Variants in DDX10 observed in about 807,000 individuals in gnomAD.
DDX10 encodes the protein probable ATP-dependent RNA helicase DDX10.
A neutral mutation model predicts 104.3 loss-of-function variants in DDX10; 74 were observed. The ratio of observed to expected loss-of-function variants is 0.71; its 90% confidence interval spans 0.59 to 0.86. The LOEUF is 0.86. Among genes scored for constraint, DDX10 ranks in the 40% least tolerant of loss-of-function variants. The pLI, the probability that DDX10 is intolerant of heterozygous loss-of-function variation, is 0.00. For missense variants in DDX10, 952 were observed against 1,040.0 expected (o/e 0.92, Z 1.16); for synonymous variants, 351 against 353.4 (o/e 0.99, Z 0.08).
At chr11:108,745,927 C>G (rs2094331331) in intron 13 of DDX10, among the ~76,000 whole-genome samples, 1 of 151,988 alleles carries the variant, frequency 6.6e-6, no homozygotes, top group Non-Finnish European at 1.5e-5. Context: ...TAATTTCTAT[C>G]ATACAATTTA....
chr11:108,736,238 C>T lies in DDX10; in HGVS notation c.1965+12776C>T, dbSNP rs146398241. Among the ~76,000 whole-genome samples the T allele has an allele frequency of 8.7e-4, 131 of 150,332 alleles. 1 individual carries two copies. The highest frequency in any genetic ancestry group is 3.1e-3 in the African/African-American group (128 of 40,822). On this transcript the variant is annotated intron_variant, in intron 13 of 17. Coordinates refer to ENST00000322536, the MANE Select transcript of DDX10 (RefSeq NM_004398.4). Reference sequence around the variant, plus strand: ...ATTTTATCTTTTAATAATAAAACCTCATTCTGTATTCTTCTGTTTGTTTCT... The same window carrying T: ...ATTTTATCTTTTAATAATAAAACCTTATTCTGTATTCTTCTGTTTGTTTCT...
chr11:108,676,798 G>A (rs1424205833), intron 3 of DDX10, among the ~76,000 whole-genome samples: 1 of 152,100 alleles, frequency 6.6e-6, no homozygotes, highest in Non-Finnish European at 1.5e-5. Context: ...TAAGTGTGTT[G>A]TAAAGGTCTT....
intron 13 of DDX10, among the ~76,000 whole-genome samples, chr11:108,725,745 G>A (rs1412330077): frequency 6.6e-6 from 1 of 151,936 alleles, no homozygotes; most frequent in Non-Finnish European, 1.5e-5. Context: ...TCTATGGCTT[G>A]TTTTTATTTT....
At chr11:108,830,631 CA>C (rs1258254158) in intron 13 of DDX10, among the ~76,000 whole-genome samples, 6 of 152,050 alleles carry the variant, frequency 3.9e-5, no homozygotes, top group African/African-American at 9.7e-5. Context: ...TTCCAGTTCT[CA>C]GGGGGGGAAT....
At chr11:108,708,176 G>C (rs1591797159) in intron 10 of DDX10, among the ~76,000 whole-genome samples, 2 of 148,184 alleles carry the variant, frequency 1.3e-5, no homozygotes, top group Admixed American at 1.3e-4. Context: ...TTATCAAGGT[G>C]AGGAAATTGT....
intron 13 of DDX10, among the ~76,000 whole-genome samples, chr11:108,826,123 A>G (rs1042128307): frequency 6.6e-6 from 1 of 152,192 alleles, no homozygotes; most frequent in African/African-American, 2.4e-5. Flanking sequence ...TTTTGATGCG[A>G]AAACAATTAT....
chr11:108,815,743 A>G (rs1207466038), intron 13 of DDX10, among the ~76,000 whole-genome samples: 3 of 152,170 alleles, frequency 2.0e-5, no homozygotes, highest in Non-Finnish European at 4.4e-5. Flanking sequence ...TTTCTGGAAA[A>G]TGTAAAAATT....
At chr11:108,687,459 G>A (rs898355906) in intron 6 of DDX10, among the ~76,000 whole-genome samples, 1 of 152,092 alleles carries the variant, frequency 6.6e-6, no homozygotes, top group African/African-American at 2.4e-5. Context: ...ATAGGCACAT[G>A]CCACCATGCC....
At chr11:108,691,590 G>A (rs1458653788) in intron 7 of DDX10, among the ~76,000 whole-genome samples, 2 of 152,098 alleles carry the variant, frequency 1.3e-5, no homozygotes, top group East Asian at 1.9e-4. Context: ...ATTAAAATAA[G>A]TTTTTTCTTT....
chr11:108,892,899 C>A (rs1421462719), intron 16 of DDX10, among the ~76,000 whole-genome samples: 2 of 152,146 alleles, frequency 1.3e-5, no homozygotes, highest in African/African-American at 4.8e-5. Flanking sequence ...CTATCCTTCA[C>A]TGTTGCTCTA....
chr11:108,699,631 TCA>T (rs1342195713), intron 9 of DDX10, among the ~76,000 whole-genome samples: 1 of 152,142 alleles, frequency 6.6e-6, no homozygotes, highest in Non-Finnish European at 1.5e-5. Flanking sequence ...GACTTGGAAG[TCA>T]CAGTCCATCT....
At chr11:108,742,611 G>A (rs1157277929) in intron 13 of DDX10, among the ~76,000 whole-genome samples, 3 of 152,062 alleles carry the variant, frequency 2.0e-5, no homozygotes, top group Non-Finnish European at 4.4e-5. Flanking sequence ...AATAAATCCA[G>A]GGGTTGCTTT....
At position 108,867,520 on chromosome 11, in the gene DDX10, C is replaced by A. The variant is rs528604559; in HGVS notation, c.2304+15311C>A. Among the ~76,000 whole-genome samples, 127 of 152,234 alleles carry A rather than the reference C, an allele frequency of 8.3e-4. 1 individual carries two copies. Among genetic ancestry groups the A allele is most frequent in the South Asian group, 7.3e-3 (35 of 4,826 alleles). On this transcript the variant is annotated intron_variant, in intron 16 of 17. Coordinates refer to ENST00000322536, the MANE Select transcript of DDX10 (RefSeq NM_004398.4). ...GAAAATTAGCTACCATAGTCAAGAACCTGGAAGTGAACAAAATGCTTCTGT... is the reference window on the plus strand; with the variant it reads ...GAAAATTAGCTACCATAGTCAAGAAACTGGAAGTGAACAAAATGCTTCTGT...
rs79825827 is a variant in DDX10, at chr11:108,774,792, C to G, written c.1965+51330C>G. Among the ~76,000 whole-genome samples, 467 of 152,210 alleles carry G rather than the reference C, an allele frequency of 3.1e-3. 5 individuals are homozygous for G. In the East Asian group the frequency reaches 0.044, roughly 14 times the overall value. On this transcript the variant is annotated intron_variant, in intron 13 of 17. Transcript: ENST00000322536. Reference sequence around the variant, plus strand: ...TAAATATGCTGTTTCATACCGTTCTCCGGTATGCTTTGAGGATGGATTTGG... The same window carrying G: ...TAAATATGCTGTTTCATACCGTTCTGCGGTATGCTTTGAGGATGGATTTGG...
At chr11:108,700,637 T>C (rs1271874170) in intron 9 of DDX10, among the ~76,000 whole-genome samples, 1 of 152,230 alleles carries the variant, frequency 6.6e-6, no homozygotes, top group Non-Finnish European at 1.5e-5. Flanking sequence ...ATCCTGTAGT[T>C]GTTCCATCAC....
chr11:108,905,736 G>C (rs1195691656), intron 16 of DDX10, among the ~76,000 whole-genome samples: 1 of 152,056 alleles, frequency 6.6e-6, no homozygotes, highest in African/African-American at 2.4e-5. Context: ...TTAGGCTGTT[G>C]TTGCATTACT....
chr11:108,808,224 T>G (rs1217788673), intron 13 of DDX10, among the ~76,000 whole-genome samples: 1 of 152,140 alleles, frequency 6.6e-6, no homozygotes, highest in Non-Finnish European at 1.5e-5. Context: ...TTTACAAATT[T>G]TTTTTCCAGT....
intron 5 of DDX10, 42 bp downstream of exon 5, chr11:108,678,477 A>T (rs1284153997): frequency 6.7e-7 from 1 of 1,502,416 alleles, no homozygotes; most frequent in Non-Finnish European, 8.9e-7. Flanking sequence ...AAAAAAGCTC[A>T]GACTTAGGAG....
At chr11:108,837,607 CTTTTTTTTTT>C (rs142381520) in intron 13 of DDX10, among the ~76,000 whole-genome samples, 41 of 34,742 alleles carry the variant, frequency 1.2e-3, no homozygotes, top group Middle Eastern at 0.021. Context: ...TTGGATACAG[CTTTTTTTTTT>C]TTTTTTTTTT....
Sources: allele counts gnomAD v4.1 joint callset (sites outside exome capture counted in the v4.1 genomes callset), GRCh38; gene constraint gnomAD v4.1.1; transcripts MANE v1.5; gene names NCBI Gene and HGNC (gene_info 2026-07-23, HGNC 2026-07-21).